ASPSCR1: variants seen among roughly 807,000 people sequenced by gnomAD.
The protein encoded by ASPSCR1 is ASPSCR1 tether for SLC2A4, UBX domain containing.
Under a neutral mutation model 68.9 loss-of-function variants are expected in ASPSCR1, and 55 were observed. The ratio of observed to expected loss-of-function variants is 0.80; its 90% confidence interval spans 0.64 to 1.00. ASPSCR1 has a LOEUF of 1.00. ASPSCR1 is among the 50% of genes least tolerant of loss of function. The pLI, the probability that ASPSCR1 is intolerant of heterozygous loss-of-function variation, is 0.00. For synonymous variants in ASPSCR1, 352 were observed against 332.6 expected (o/e 1.06, Z -0.63); for missense variants, 765 against 762.2 (o/e 1.00, Z -0.04).
Position 81,999,626 on chromosome 17 carries a change from C to CA in ASPSCR1, c.933+2798dup, listed in dbSNP as rs869273858. ...CGGGTGACAGAGTGAAACTCCATCT[C>CA]AAAAAAAAAAAAAAAAAAGAAAACA... On this transcript the variant is annotated intron_variant, in intron 7 of 15. Transcript: ENST00000306739. The surrounding 1 kb of genome is among the most constrained non-coding windows in gnomAD (Gnocchi z 4.4). Among the ~76,000 whole-genome samples the CA allele has an allele frequency of 0.017, 1,256 of 71,804 alleles. 15 individuals are homozygous for CA. Among genetic ancestry groups the CA allele is most frequent in the African/African-American group, 0.045 (865 of 19,244 alleles). 47.1% of individuals were successfully genotyped at this position (71,804 alleles called of 152,430 possible). A position where few individuals can be genotyped will look rare whatever the true frequency, so the allele number is the denominator to read the frequency against.
chr17:81,998,741 C>T (rs1160979811), intron 7 of ASPSCR1, among the ~76,000 whole-genome samples: 1 of 152,192 alleles, frequency 6.6e-6, no homozygotes, highest in Non-Finnish European at 1.5e-5. Context: ...GTTTGGGAAT[C>T]GAATTTCACC....
chr17:81,983,553 G>T lies in ASPSCR1; in HGVS notation c.159-1G>T, dbSNP rs764607835. On this transcript the variant is annotated splice_acceptor_variant, in intron 2 of 15. Transcript: ENST00000306739. LOFTEE classifies it high-confidence loss of function. This position sits in a 1 kb window ranked among gnomAD's most constrained non-coding sequence, Gnocchi z 4.4. Reference sequence around the variant, plus strand: ...CAAGTGTGCTCTGGTCTGTCTTGCAGGTTTCAGAGGAGCGTGCTCGACCTT... The same window carrying T: ...CAAGTGTGCTCTGGTCTGTCTTGCATGTTTCAGAGGAGCGTGCTCGACCTT... 6.2e-7 allele frequency: 1 copy of T among 1,609,808 alleles called. No individual in the cohort carries two copies. The highest frequency in any genetic ancestry group is 1.1e-5 in the South Asian group (1 of 90,300).
intron 6 of ASPSCR1, 60 bp from the exon 7 acceptor site, chr17:81,996,360 A>G: frequency 6.6e-7 from 1 of 1,526,304 alleles, no homozygotes; most frequent in Non-Finnish European, 8.8e-7. Flanking sequence ...CTGGGCCGGG[A>G]GAGGGTGAGC....
Position 81,996,539 on chromosome 17 carries a change from G to A in ASPSCR1, c.626G>A (p.Arg209His), listed in dbSNP as rs142841603. ...CCCTTGGAATCTGGGGAGCTCAGCC[G>A]CGGCGACTTGAGCCGTCCGGAGGAC... ...PLPLESGELS[R>H]GDLSRPEDAD... The change falls in exon 7 of 16, where the codon CGC becomes CAC. Residue 209 changes from arginine (R) to histidine (H), a missense_variant. By Grantham distance (29) the Arg-to-His change is conservative. Coordinates refer to ENST00000306739, the MANE Select transcript of ASPSCR1 (RefSeq NM_024083.4). The A allele has an allele frequency of 1.7e-5, 27 of 1,612,864 alleles. No individual in the cohort carries two copies. Among genetic ancestry groups the A allele is most frequent in the Non-Finnish European group, 2.0e-5 (24 of 1,179,644 alleles).
chr17:82,011,674 C>A, intron 11 of ASPSCR1, 69 bp downstream of exon 11: 1 of 1,536,826 alleles, frequency 6.5e-7, no homozygotes, highest in Non-Finnish European at 8.9e-7. Context: ...GGCACACCGC[C>A]CGTCCCAGCT....
Position 81,980,045 on chromosome 17 carries a change from C to T in ASPSCR1, c.158+806C>T, listed in dbSNP as rs781103409. ...TCGCCCAGGCTGGAGTGCAGTGGCACGGTCTTGGCTCACTGCAACCTCCAC... is the reference window on the plus strand; with the variant it reads ...TCGCCCAGGCTGGAGTGCAGTGGCATGGTCTTGGCTCACTGCAACCTCCAC... On this transcript the variant is annotated intron_variant, in intron 2 of 15. Coordinates refer to ENST00000306739, the MANE Select transcript of ASPSCR1 (RefSeq NM_024083.4). Among the ~76,000 whole-genome samples, 5 of 152,142 alleles carry T rather than the reference C, an allele frequency of 3.3e-5. No individual in the cohort carries two copies. The South Asian group carries it at 6.2e-4, about 19-fold the overall frequency.
intron 10 of ASPSCR1, 74 bp downstream of exon 10, chr17:82,010,942 G>A (rs996647388): frequency 2.6e-6 from 4 of 1,553,054 alleles, no homozygotes; most frequent in African/African-American, 2.7e-5. Flanking sequence ...CTTCCTTCCA[G>A]GCCACAGGAC....
intron 7 of ASPSCR1, chr17:82,004,842 T>C (rs7213474): frequency 0.67 from 101,378 of 152,232 alleles, 34,456 homozygotes; most frequent in African/African-American, 0.74. Flanking sequence ...GAAACCAGGC[T>C]GGGCTCAGCA....
chr17:82,010,484 A>G (rs567788733), intron 9 of ASPSCR1, among the ~76,000 whole-genome samples: 58 of 148,812 alleles, frequency 3.9e-4, no homozygotes, highest in South Asian at 1.5e-3. Context: ...AGCCGAGATC[A>G]TGCCACTGCA....
intron 12 of ASPSCR1, chr17:82,013,926 G>A (rs1325608102): frequency 6.6e-6 from 1 of 152,304 alleles, no homozygotes; most frequent in Non-Finnish European, 1.5e-5. Flanking sequence ...CTCAGGTCAT[G>A]AGGAAGGTCA....
At chr17:82,013,870 C>G (rs1327308942) in intron 12 of ASPSCR1, 2 of 152,424 alleles carry the variant, frequency 1.3e-5, no homozygotes, top group African/African-American at 4.8e-5. Context: ...AGGGCTGGCC[C>G]TGCCCTGGTG....
At chr17:82,008,914 G>C in intron 7 of ASPSCR1, 123 bp from the exon 8 acceptor site, 1 of 1,334,526 alleles carries the variant, frequency 7.5e-7, no homozygotes, top group Non-Finnish European at 9.8e-7. Context: ...GCTGGCCGGG[G>C]CCAGGGAGGG....
intron 12 of ASPSCR1, 32 bp downstream of exon 12, chr17:82,012,315 G>A (rs2042977287): frequency 1.2e-6 from 2 of 1,606,916 alleles, no homozygotes; most frequent in Non-Finnish European, 1.7e-6. Flanking sequence ...GTGCTGCGGG[G>A]CGGGGCCCTC....
rs1411904958 is a variant in ASPSCR1, at chr17:82,009,469, T to C, written c.1089-17T>C. 2.6e-6 allele frequency: 4 copies of C among 1,564,414 alleles called. No individual in the cohort carries two copies. In the African/African-American group the frequency reaches 4.1e-5, roughly 16 times the overall value. ...CATTCTGACCAGAAGCCCTGTTCCT[T>C]CCCCTCCTCACCACAGGAAGCGCCT... On this transcript the variant is annotated splice_polypyrimidine_tract_variant and intron_variant, in intron 8 of 15. Transcript: ENST00000306739.
intron 14 of ASPSCR1, 35 bp from the exon 15 acceptor site, chr17:82,016,906 G>T: frequency 6.2e-7 from 1 of 1,612,112 alleles, no homozygotes; most frequent in Admixed American, 1.7e-5. Context: ...CTCCCGTGGC[G>T]GCACTCACCA....
Position 82,009,157 on chromosome 17 carries a change from G to T in ASPSCR1, c.1054G>T (p.Val352Leu). 1.2e-6 allele frequency: 2 copies of T among 1,610,832 alleles called. No individual in the cohort carries two copies. Among genetic ancestry groups the T allele is most frequent in the Non-Finnish European group, 1.7e-6 (2 of 1,178,948 alleles). ...DEFFELTVDD[V>L]RRRLAQLKSE... ...GTTCTTTGAGCTGACGGTGGACGACGTGAGAAGACGCTTGGCCCAGCTCAA... is the reference window on the plus strand; with the variant it reads ...GTTCTTTGAGCTGACGGTGGACGACTTGAGAAGACGCTTGGCCCAGCTCAA... Residue 352 changes from valine (V) to leucine (L), a missense_variant, in exon 8 of 16, where the codon GTG becomes TTG. Transcript: ENST00000306739.
chr17:81,977,768 G>T lies in ASPSCR1; in HGVS notation c.102+20G>T. On this transcript the variant is annotated intron_variant, in intron 1 of 15. Transcript: ENST00000306739. The surrounding 1 kb of genome is among the most constrained non-coding windows in gnomAD (Gnocchi z 5.0). ...CTTCAGGTGCGGCCGCCCGCCCGGG[G>T]CGGACGGGTAGGCGGGCGGGGGGCG... 8.2e-7 allele frequency: 1 copy of T among 1,217,394 alleles called. No homozygotes were observed. The highest frequency in any genetic ancestry group is 1.0e-6 in the Non-Finnish European group (1 of 977,696). 75.4% of individuals were successfully genotyped at this position (1,217,394 alleles called of 1,614,324 possible).
At chr17:82,003,624 ATGT>A (rs1414018900) in intron 7 of ASPSCR1, among the ~76,000 whole-genome samples, 2 of 152,104 alleles carry the variant, frequency 1.3e-5, no homozygotes, top group African/African-American at 4.8e-5. Flanking sequence ...TGCAGGAGGG[ATGT>A]TGTGCTGAGG....
At chr17:82,010,031 T>C in intron 9 of ASPSCR1, 1 of 336,182 alleles carries the variant, frequency 3.0e-6, no homozygotes, top group Non-Finnish European at 5.9e-6. Flanking sequence ...TGCCTCAGCC[T>C]CCCAAGTAGC....
Sources: allele counts gnomAD v4.1 joint callset (sites outside exome capture counted in the v4.1 genomes callset), GRCh38; gene constraint gnomAD v4.1.1; non-coding constraint Gnocchi (gnomAD v3.1); transcripts MANE v1.5; gene names NCBI Gene and HGNC (gene_info 2026-07-23, HGNC 2026-07-21).